RFX3: variants seen among roughly 807,000 people sequenced by gnomAD.
RFX3 encodes transcription factor RFX3.
RFX3 carries 14 observed loss-of-function variants against 98.6 expected under a neutral mutation model. The ratio of observed to expected loss-of-function variants is 0.14; its 90% CI spans 0.09 to 0.22. RFX3 has a LOEUF of 0.22. Among genes scored for constraint, RFX3 ranks in the 10% least tolerant of loss-of-function variants. RFX3 has a pLI of 1.00. For synonymous variants in RFX3, 383 were observed against 328.4 expected (o/e 1.17, Z -1.80); for missense variants, 639 against 926.9 (o/e 0.69, Z 4.03).
intron 2 of RFX3, among the ~76,000 whole-genome samples, chr9:3,374,938 C>A (rs987820520): frequency 5.3e-5 from 8 of 150,826 alleles, no homozygotes; most frequent in African/African-American, 1.9e-4. Flanking sequence ...TTAGCATTAA[C>A]AACAGTTACG....
chr9:3,349,207 G>A (rs1587235147), intron 2 of RFX3, among the ~76,000 whole-genome samples: 1 of 151,782 alleles, frequency 6.6e-6, no homozygotes, highest in East Asian at 1.9e-4. Flanking sequence ...GGTTACTGGA[G>A]ATTTTAACAT....
intron 3 of RFX3, among the ~76,000 whole-genome samples, chr9:3,335,254 C>T (rs1374523269): frequency 6.6e-6 from 1 of 152,042 alleles, no homozygotes; most frequent in Non-Finnish European, 1.5e-5. Flanking sequence ...CAGGTAACTC[C>T]TAAAGGTTTT....
At chr9:3,415,077 T>C (rs1842859219) in intron 1 of RFX3, among the ~76,000 whole-genome samples, 1 of 99,834 alleles carries the variant, frequency 1.0e-5, no homozygotes, top group East Asian at 2.4e-4. Flanking sequence ...TAAGTATATA[T>C]ATATTCTTAT....
At chr9:3,392,318 G>C (rs1014186652) in intron 2 of RFX3, among the ~76,000 whole-genome samples, 2 of 150,042 alleles carry the variant, frequency 1.3e-5, no homozygotes, top group Non-Finnish European at 3.0e-5. Flanking sequence ...ACTATGTAAA[G>C]AGAAAAAAAA....
intron 3 of RFX3, chr9:3,344,825 C>A (rs1450732712): frequency 1.4e-6 from 1 of 714,488 alleles, no homozygotes; most frequent in Admixed American, 2.0e-5. Flanking sequence ...TAAATGCCAA[C>A]AGTAGTTTAA....
intron 15 of RFX3, among the ~76,000 whole-genome samples, chr9:3,241,848 T>C (rs1271474666): frequency 6.6e-6 from 1 of 152,126 alleles, no homozygotes; most frequent in African/African-American, 2.4e-5. Flanking sequence ...ATTCTAAATA[T>C]CTACTAACAA....
chr9:3,441,358 G>A (rs951063459), intron 1 of RFX3, among the ~76,000 whole-genome samples: 10 of 151,976 alleles, frequency 6.6e-5, no homozygotes, highest in Non-Finnish European at 2.9e-5. Context: ...ATTTACATAT[G>A]TTTCCTGGTT....
intron 2 of RFX3, among the ~76,000 whole-genome samples, chr9:3,378,219 G>C (rs569118638): frequency 1.2e-4 from 18 of 152,218 alleles, no homozygotes; most frequent in African/African-American, 4.3e-4. Flanking sequence ...ATTGTTACAT[G>C]ACTGTCGAAG....
At chr9:3,469,752 A>G (rs1848608280) in intron 1 of RFX3, among the ~76,000 whole-genome samples, 1 of 151,990 alleles carries the variant, frequency 6.6e-6, no homozygotes, top group Admixed American at 6.6e-5. Context: ...ATGACCCAAA[A>G]TAATTATAGT....
At chr9:3,370,495 T>TTA (rs944655021) in intron 2 of RFX3, among the ~76,000 whole-genome samples, 56 of 150,678 alleles carry the variant, frequency 3.7e-4, no homozygotes, top group Middle Eastern at 3.6e-3. Flanking sequence ...AAACTATTAA[T>TTA]TATATATATA....
intron 2 of RFX3, among the ~76,000 whole-genome samples, chr9:3,369,288 G>C (rs1318532741): frequency 3.9e-5 from 6 of 152,196 alleles, no homozygotes; most frequent in Non-Finnish European, 5.9e-5. Context: ...CTCATAGACT[G>C]ACCTTCTTCC....
intron 1 of RFX3, among the ~76,000 whole-genome samples, chr9:3,504,757 AT>A (rs1564184776): frequency 2.5e-5 from 2 of 78,964 alleles, no homozygotes; most frequent in Admixed American, 1.7e-4. Flanking sequence ...TGTATATAAA[AT>A]ATATGCTATA....
At chr9:3,487,021 T>G (rs1587837623) in intron 1 of RFX3, among the ~76,000 whole-genome samples, 1 of 152,030 alleles carries the variant, frequency 6.6e-6, no homozygotes, top group Admixed American at 6.6e-5. Context: ...AACCTAGAAT[T>G]TTCTCTTTTT....
At chr9:3,247,642 C>T (rs1166653615) in intron 15 of RFX3, 11 of 1,369,996 alleles carry the variant, frequency 8.0e-6, no homozygotes, top group East Asian at 5.8e-5. Flanking sequence ...TCTTGGAGAC[C>T]GGGAAAGAGT....
At chr9:3,366,710 CTTTCTT>C (rs1235950873) in intron 2 of RFX3, among the ~76,000 whole-genome samples, 1 of 91,940 alleles carries the variant, frequency 1.1e-5, no homozygotes, top group Non-Finnish European at 2.2e-5. Context: ...TTCTTTCTTT[CTTTCTT>C]TCTTTCTTTC....
At chr9:3,431,208 A>G (rs975594202) in intron 1 of RFX3, among the ~76,000 whole-genome samples, 3 of 152,198 alleles carry the variant, frequency 2.0e-5, no homozygotes, top group Non-Finnish European at 4.4e-5. Flanking sequence ...CACAGTAAAA[A>G]GTGATCTCTT....
chr9:3,273,873 A>G (rs1325871906), intron 9 of RFX3, among the ~76,000 whole-genome samples: 1 of 151,986 alleles, frequency 6.6e-6, no homozygotes, highest in Non-Finnish European at 1.5e-5. Flanking sequence ...TCAAAAAAAA[A>G]AAAAAAAAAT....
chr9:3,497,482 T>G (rs1851196852), intron 1 of RFX3, among the ~76,000 whole-genome samples: 1 of 151,996 alleles, frequency 6.6e-6, no homozygotes, highest in South Asian at 2.1e-4. Flanking sequence ...GTATTTACAT[T>G]GAACTGGAGC....
At chr9:3,392,728 A>C (rs1329634672) in intron 2 of RFX3, among the ~76,000 whole-genome samples, 1 of 143,136 alleles carries the variant, frequency 7.0e-6, no homozygotes, top group Non-Finnish European at 1.5e-5. Flanking sequence ...GTTTCAGAGA[A>C]AAAAAAATCA....
Sources: allele counts gnomAD v4.1 joint callset (sites outside exome capture counted in the v4.1 genomes callset), GRCh38; gene constraint gnomAD v4.1.1; transcripts MANE v1.5; gene names NCBI Gene and HGNC (gene_info 2026-07-23, HGNC 2026-07-21).